Variants in PDS5A observed in about 807,000 individuals in gnomAD.
PDS5A encodes PDS5 cohesin associated factor A.
Under a neutral mutation model 167.1 loss-of-function variants are expected in PDS5A, and 42 were observed. The observed-to-expected ratio is 0.25, with a 90% CI of 0.20 to 0.33. PDS5A has a LOEUF of 0.33. PDS5A is among the 10% of genes least tolerant of loss of function. The probability of loss-of-function intolerance (pLI) is 1.00; values close to 1 mark genes in which losing one functional copy is unlikely to be tolerated. For synonymous variants in PDS5A, 553 were observed against 554.6 expected (o/e 1.00, Z 0.04); for missense variants, 1,033 against 1,605.9 (o/e 0.64, Z 6.10).
intron 16 of PDS5A, among the ~76,000 whole-genome samples, chr4:39,895,839 T>G (rs980570425): frequency 1.3e-5 from 2 of 151,610 alleles, no homozygotes; most frequent in Non-Finnish European, 2.9e-5. Context: ...TGCCTCAGCC[T>G]CCAGAGTAGC....
At position 39,908,407 on chromosome 4, in the gene PDS5A, T is replaced by A. The variant is rs1314475606; in HGVS notation, c.1221A>T (p.Thr407=). The change falls in exon 11 of 33, where the codon ACA becomes ACT. Residue 407 remains threonine, a synonymous_variant. Transcript: ENST00000303538. Reference sequence around the variant, plus strand: ...CCTCAGATTTTACCCGTTTATCCAGTGTTCTTTCCCTTACAAAGCCAAGCA... The same window carrying A: ...CCTCAGATTTTACCCGTTTATCCAGAGTTCTTTCCCTTACAAAGCCAAGCA... ...DQLLGFVRER[T]LDKRWRVRKE... is the part of the protein sequence containing the mutation. 9.9e-6 allele frequency: 16 copies of A among 1,613,012 alleles called. No individual in the cohort carries two copies. Among genetic ancestry groups the A allele is most frequent in the Non-Finnish European group, 1.2e-5 (14 of 1,179,336 alleles).
intron 2 of PDS5A, among the ~76,000 whole-genome samples, chr4:39,934,393 C>A (rs1421660642): frequency 2.0e-5 from 3 of 152,166 alleles, no homozygotes; most frequent in Non-Finnish European, 4.4e-5. Flanking sequence ...CTCTGATTTT[C>A]TCTCAGATCC....
At chr4:39,971,314 C>T (rs868811322) in intron 2 of PDS5A, among the ~76,000 whole-genome samples, 1 of 152,030 alleles carries the variant, frequency 6.6e-6, no homozygotes, top group Non-Finnish European at 1.5e-5. Flanking sequence ...GCCACCACGC[C>T]TGGATAATTT....
chr4:39,940,857 G>T (rs1185891311), intron 2 of PDS5A, among the ~76,000 whole-genome samples: 1 of 152,142 alleles, frequency 6.6e-6, no homozygotes, highest in Non-Finnish European at 1.5e-5. Flanking sequence ...TTTTTGCAGA[G>T]ACAGGATTTC....
At chr4:39,839,060 A>G (rs2109486962) in intron 31 of PDS5A, among the ~76,000 whole-genome samples, 1 of 152,208 alleles carries the variant, frequency 6.6e-6, no homozygotes, top group African/African-American at 2.4e-5. Context: ...CTAACTCTCA[A>G]TGTAACTCAA....
At chr4:39,897,272 G>A (rs1281781772) in intron 16 of PDS5A, among the ~76,000 whole-genome samples, 1 of 152,114 alleles carries the variant, frequency 6.6e-6, no homozygotes, top group Non-Finnish European at 1.5e-5. Context: ...GCTCATGCCT[G>A]TAATCTCAGC....
chr4:39,902,177 A>G (rs555918813), intron 13 of PDS5A, among the ~76,000 whole-genome samples, 170 bp downstream of exon 13: 1 of 152,352 alleles, frequency 6.6e-6, no homozygotes, highest in South Asian at 2.1e-4. Context: ...CTACACATAT[A>G]AGAATAACCT....
intron 31 of PDS5A, among the ~76,000 whole-genome samples, chr4:39,838,627 G>A (rs1427095101): frequency 2.0e-5 from 3 of 152,178 alleles, no homozygotes; most frequent in Non-Finnish European, 2.9e-5. Context: ...GGAGGCTGAG[G>A]TGGGAGGATT....
intron 23 of PDS5A, among the ~76,000 whole-genome samples, chr4:39,865,572 C>G (rs1289998015): frequency 6.6e-6 from 1 of 152,220 alleles, no homozygotes; most frequent in Non-Finnish European, 1.5e-5. Flanking sequence ...CTAGCCAAAG[C>G]TGGAGTACAA....
intron 2 of PDS5A, among the ~76,000 whole-genome samples, chr4:39,964,229 C>T (rs1729765896): frequency 6.6e-6 from 1 of 151,976 alleles, no homozygotes; most frequent in Non-Finnish European, 1.5e-5. Context: ...AGAGGAAATC[C>T]AGGTTTTGCC....
At chr4:39,922,541 A>G (rs749193707) in intron 6 of PDS5A, 81 bp downstream of exon 6, 181 of 1,216,364 alleles carry the variant, frequency 1.5e-4, no homozygotes, top group Non-Finnish European at 1.8e-4. Context: ...GGGATTGCAA[A>G]TGGCCATAAA....
intron 2 of PDS5A, among the ~76,000 whole-genome samples, chr4:39,964,940 C>CA (rs1249715129): frequency 8.7e-5 from 13 of 150,160 alleles, no homozygotes; most frequent in East Asian, 3.9e-4. Context: ...GACTCTGTCT[C>CA]AAAAAATAAT....
intron 26 of PDS5A, 42 bp from the exon 27 acceptor site, chr4:39,849,694 C>A: frequency 6.9e-7 from 1 of 1,458,470 alleles, no homozygotes; most frequent in Non-Finnish European, 9.5e-7. Flanking sequence ...TAGATAGATG[C>A]TTTAGCTTAA....
intron 2 of PDS5A, among the ~76,000 whole-genome samples, chr4:39,952,127 C>T (rs1488694491): frequency 6.6e-6 from 1 of 151,858 alleles, no homozygotes; most frequent in Non-Finnish European, 1.5e-5. Flanking sequence ...TTCAGGAGTT[C>T]GAGACCAGCA....
intron 2 of PDS5A, among the ~76,000 whole-genome samples, chr4:39,945,700 T>C (rs1353389044): frequency 1.3e-5 from 2 of 151,738 alleles, no homozygotes; most frequent in Non-Finnish European, 2.9e-5. Context: ...AAGACTACAG[T>C]AGAAAATTTA....
chr4:39,867,733 AACACAC>A (rs142147688), intron 22 of PDS5A, among the ~76,000 whole-genome samples: 398 of 130,652 alleles, frequency 3.0e-3, no homozygotes, highest in Middle Eastern at 7.0e-3. Flanking sequence ...AAAAAACCAA[AACACAC>A]ACACACACAC....
At chr4:39,954,427 TCCTG>T (rs1728715271) in intron 2 of PDS5A, among the ~76,000 whole-genome samples, 1 of 151,906 alleles carries the variant, frequency 6.6e-6, no homozygotes, top group Non-Finnish European at 1.5e-5. Flanking sequence ...CAAGCGAGTC[TCCTG>T]CCTCGGCCTC....
In PDS5A at chr4:39,926,835, T is replaced by C. The variant is rs1425473209; in HGVS notation, c.369A>G (p.Gln123=). 6 of 1,423,024 alleles carry C rather than the reference T, an allele frequency of 4.2e-6. No homozygotes were observed. The highest frequency in any genetic ancestry group is 6.2e-5 in the Admixed American group (2 of 32,032). 88.1% of individuals were successfully genotyped at this position (1,423,024 alleles called of 1,614,324 possible). A position where few individuals can be genotyped will look rare whatever the true frequency, so the allele number is the denominator to read the frequency against. ...TCTTTGTATCCTCCAAACCTTTTAATTGTCTGGTAATAAACAAAAATATGT... is the reference window on the plus strand; with the variant it reads ...TCTTTGTATCCTCCAAACCTTTTAACTGTCTGGTAATAAACAAAAATATGT... ...LKDIFLFITR[Q]LKGLEDTKSP... is the part of the protein sequence containing the mutation. The change falls in exon 4 of 33, where the codon CAA becomes CAG. Residue 123 remains glutamine (Q), a synonymous_variant. Coordinates refer to ENST00000303538, the MANE Select transcript of PDS5A (RefSeq NM_001100399.2).
At chr4:39,899,292 T>TA (rs1478817625) in intron 14 of PDS5A, among the ~76,000 whole-genome samples, 1 of 152,210 alleles carries the variant, frequency 6.6e-6, no homozygotes, top group Non-Finnish European at 1.5e-5. Context: ...ACCTCCTTTC[T>TA]AAAACGTACT....
Sources: gnomAD v4.1 joint callset for allele counts (sites outside exome capture counted in the v4.1 genomes callset) on GRCh38, gnomAD v4.1.1 for gene constraint, MANE v1.5 for transcripts, NCBI Gene and HGNC (gene_info 2026-07-23, HGNC 2026-07-21) for gene names.